The following ACBD6 variants were observed in gnomAD, a reference collection of about 807,000 sequenced individuals.
ACBD6 encodes acyl-CoA-binding domain-containing protein 6.
In ACBD6, 28 loss-of-function variants were observed where a neutral mutation model predicts 37.2. The observed-to-expected ratio is 0.75, with a 90% confidence interval of 0.56 to 1.03. The LOEUF (loss-of-function observed/expected upper bound fraction) is 1.03. Among genes scored for constraint, ACBD6 ranks in the 50% least tolerant of loss-of-function variants. The pLI is 0.00. For synonymous variants in ACBD6, 113 were observed against 126.8 expected (o/e 0.89, Z 0.73); for missense variants, 340 against 337.4 (o/e 1.01, Z -0.06).
chr1:180,317,173 G>A (rs573829186), intron 6 of ACBD6, among the ~76,000 whole-genome samples: 1 of 152,300 alleles, frequency 6.6e-6, no homozygotes, highest in South Asian at 2.1e-4. Context: ...AAAGTAAAGG[G>A]TGCAACCCTA....
chr1:180,501,339 A>ACAT (rs1209553225), intron 1 of ACBD6, among the ~76,000 whole-genome samples: 2 of 17,258 alleles, frequency 1.2e-4, no homozygotes, highest in Non-Finnish European at 2.0e-4. Flanking sequence ...GCATTGCATC[A>ACAT]CATTATTATT....
intron 6 of ACBD6, among the ~76,000 whole-genome samples, chr1:180,322,496 T>C (rs987150308): frequency 2.0e-5 from 3 of 152,086 alleles, no homozygotes; most frequent in Admixed American, 2.0e-4. Context: ...AGCCTTTTCT[T>C]TACTGGAAAA....
At chr1:180,340,621 A>C (rs1331898600) in intron 6 of ACBD6, among the ~76,000 whole-genome samples, 12 of 152,012 alleles carry the variant, frequency 7.9e-5, no homozygotes, top group African/African-American at 2.9e-4. Flanking sequence ...AAGAGAGAGA[A>C]AACTGATAAT....
intron 6 of ACBD6, among the ~76,000 whole-genome samples, chr1:180,374,750 T>G (rs984630944): frequency 1.3e-5 from 2 of 152,144 alleles, no homozygotes; most frequent in African/African-American, 4.8e-5. Context: ...GATAAAATAT[T>G]TGAAATATAG....
chr1:180,374,664 CAA>C (rs1365022473), intron 6 of ACBD6, among the ~76,000 whole-genome samples: 4 of 152,056 alleles, frequency 2.6e-5, no homozygotes, highest in African/African-American at 9.7e-5. Context: ...CCAGACTTTT[CAA>C]AAGACTCTTG....
chr1:180,352,150 G>A (rs1284745167), intron 6 of ACBD6, among the ~76,000 whole-genome samples: 5 of 152,076 alleles, frequency 3.3e-5, no homozygotes, highest in African/African-American at 9.7e-5. Flanking sequence ...TGGGGATAAC[G>A]GGCATTTATT....
In ACBD6 at chr1:180,484,571, G is replaced by C. The variant is rs1441270955; in HGVS notation, c.384+7698C>G. On this transcript the variant is annotated intron_variant, in intron 3 of 7. Transcript: ENST00000367595. ...CCTGTAGTGTTGGGTTGGAATTACA[G>C]GTATGAATATAAACTTATGGTTTTT... is the stretch of plus-strand genomic sequence containing the variant. 2.6e-5 allele frequency among the ~76,000 whole-genome samples: 4 copies of C among 151,948 alleles called. No individual in the cohort carries two copies. The East Asian group carries it at 7.7e-4, about 29-fold the overall frequency.
chr1:180,413,136 C>T (rs759550528), intron 5 of ACBD6, among the ~76,000 whole-genome samples: 59 of 152,168 alleles, frequency 3.9e-4, no homozygotes, highest in Admixed American at 5.9e-4. Context: ...TGGAAGCTAT[C>T]AGACTCCTAC....
At chr1:180,373,346 TC>T (rs1653328933) in intron 6 of ACBD6, among the ~76,000 whole-genome samples, 1 of 152,158 alleles carries the variant, frequency 6.6e-6, no homozygotes, top group Admixed American at 6.5e-5. Context: ...AGAGAGTAAC[TC>T]ATCAAAGCAG....
At chr1:180,447,029 G>C (rs1649502035) in intron 3 of ACBD6, among the ~76,000 whole-genome samples, 1 of 152,094 alleles carries the variant, frequency 6.6e-6, no homozygotes, top group Non-Finnish European at 1.5e-5. Flanking sequence ...GATAGAGTGA[G>C]ACTCTGTCCC....
chr1:180,494,790 T>C (rs1301421828), intron 2 of ACBD6, among the ~76,000 whole-genome samples: 1 of 152,230 alleles, frequency 6.6e-6, no homozygotes, highest in African/African-American at 2.4e-5. Flanking sequence ...TGTATGCAAT[T>C]TCTCTTCTTT....
At chr1:180,500,829 TA>T (rs397982142) in intron 1 of ACBD6, among the ~76,000 whole-genome samples, 72,207 of 111,546 alleles carry the variant, frequency 0.65, 25,271 homozygotes, top group Non-Finnish European at 0.8. Context: ...AGACCCTCTG[TA>T]AAAAAAAAAA....
intron 6 of ACBD6, among the ~76,000 whole-genome samples, chr1:180,315,547 T>A (rs1650764646): frequency 6.6e-6 from 1 of 152,218 alleles, no homozygotes; most frequent in Non-Finnish European, 1.5e-5. Flanking sequence ...TTAATCTGAA[T>A]AACTTGGAAG....
intron 7 of ACBD6, among the ~76,000 whole-genome samples, chr1:180,306,981 C>T (rs1366294025): frequency 2.6e-5 from 4 of 152,104 alleles, no homozygotes; most frequent in African/African-American, 9.7e-5. Context: ...GGCTACTATA[C>T]GATCCAGCAG....
chr1:180,501,989 T>G, intron 1 of ACBD6, 56 bp downstream of exon 1: 1 of 1,550,108 alleles, frequency 6.5e-7, no homozygotes, highest in Non-Finnish European at 8.9e-7. Flanking sequence ...TATCAGTTGT[T>G]GAGGAAGAAG....
At chr1:180,451,853 G>T (rs1027255095) in intron 3 of ACBD6, among the ~76,000 whole-genome samples, 2 of 152,130 alleles carry the variant, frequency 1.3e-5, no homozygotes, top group African/African-American at 4.8e-5. Flanking sequence ...ACACTTAAAT[G>T]GGAGAACACA....
At chr1:180,398,107 T>C (rs1395532585) in intron 5 of ACBD6, among the ~76,000 whole-genome samples, 1 of 151,796 alleles carries the variant, frequency 6.6e-6, no homozygotes, top group Admixed American at 6.6e-5. Flanking sequence ...AAACAATCAA[T>C]AGGAAGCCCC....
intron 1 of ACBD6, among the ~76,000 whole-genome samples, chr1:180,501,562 C>A (rs1651974919): frequency 6.6e-6 from 1 of 152,182 alleles, no homozygotes; most frequent in South Asian, 2.1e-4. Context: ...AGGTGATCCT[C>A]CCGCCTCGGC....
intron 9 of ACBD6, among the ~76,000 whole-genome samples, chr1:180,281,153 C>G (rs1298665813): frequency 1.3e-5 from 2 of 152,058 alleles, no homozygotes; most frequent in African/African-American, 4.8e-5. Flanking sequence ...AGATCTGGTC[C>G]CCGCAACAAC....
Sources: gnomAD v4.1 joint callset for allele counts (sites outside exome capture counted in the v4.1 genomes callset) on GRCh38, gnomAD v4.1.1 for gene constraint, MANE v1.5 for transcripts, NCBI Gene and HGNC (gene_info 2026-07-23, HGNC 2026-07-21) for gene names.